The following CDK14 variants were observed in gnomAD, a reference collection of about 807,000 sequenced individuals.
CDK14 encodes the protein cyclin-dependent kinase 14.
CDK14 carries 34 observed loss-of-function variants against 60.7 expected under a neutral mutation model. The ratio of observed to expected loss-of-function variants is 0.56; its 90% CI spans 0.43 to 0.75. The LOEUF (loss-of-function observed/expected upper bound fraction) is 0.75, where lower values mean the gene tolerates loss of function less well. Among genes scored for constraint, CDK14 ranks in the 30% least tolerant of loss-of-function variants. The pLI is 0.00. For missense variants in CDK14, 482 were observed against 564.1 expected, an observed-to-expected ratio of 0.85 and a Z score of 1.47; for synonymous variants, 197 against 203.7, an observed-to-expected ratio of 0.97 and a Z score of 0.28.
At chr7:91,063,161 G>T (rs1003425032) in intron 11 of CDK14, among the ~76,000 whole-genome samples, 1 of 152,120 alleles carries the variant, frequency 6.6e-6, no homozygotes, top group African/African-American at 2.4e-5. Flanking sequence ...AGGCTTGTCA[G>T]CTACTCCTAG....
At chr7:90,919,997 C>T (rs1437605789) in intron 8 of CDK14, among the ~76,000 whole-genome samples, 3 of 152,254 alleles carry the variant, frequency 2.0e-5, no homozygotes, top group Non-Finnish European at 2.9e-5. Flanking sequence ...AGTTGGCATG[C>T]ATCCTGTGCA....
intron 2 of CDK14, among the ~76,000 whole-genome samples, chr7:90,684,482 T>C (rs1056327792): frequency 1.3e-5 from 2 of 152,228 alleles, no homozygotes; most frequent in Admixed American, 1.3e-4. Flanking sequence ...TTCTTCCCCA[T>C]CCTTGTTGAT....
intron 2 of CDK14, chr7:90,632,331 C>A (rs1226374158): frequency 3.1e-6 from 1 of 325,214 alleles, no homozygotes. Context: ...AATCAAGGAT[C>A]TTTTGGTTGG....
intron 2 of CDK14, among the ~76,000 whole-genome samples, chr7:90,643,309 T>A (rs1563027641): frequency 2.0e-5 from 3 of 152,210 alleles, no homozygotes; most frequent in Admixed American, 1.3e-4. Context: ...CATTTGGTTG[T>A]TTTCTTTGTT....
chr7:91,054,255 T>C (rs1797488786), intron 11 of CDK14, among the ~76,000 whole-genome samples: 2 of 152,150 alleles, frequency 1.3e-5, no homozygotes. Context: ...GCTGTAACTA[T>C]GTGATGGTTA....
At chr7:90,950,245 T>C (rs1201799001) in intron 8 of CDK14, among the ~76,000 whole-genome samples, 2 of 152,060 alleles carry the variant, frequency 1.3e-5, no homozygotes, top group African/African-American at 4.8e-5. Context: ...CCCAGCTGAT[T>C]TTTTATTTTC....
At chr7:90,987,874 G>A (rs1282243765) in intron 10 of CDK14, among the ~76,000 whole-genome samples, 1 of 152,140 alleles carries the variant, frequency 6.6e-6, no homozygotes, top group East Asian at 1.9e-4. Context: ...CTCTGGTAAA[G>A]CATTGCCAAG....
intron 5 of CDK14, among the ~76,000 whole-genome samples, chr7:90,845,294 G>C (rs1158710455): frequency 1.3e-5 from 2 of 151,964 alleles, no homozygotes; most frequent in Non-Finnish European, 2.9e-5. Context: ...ATTTTTGAAG[G>C]CATTTAATGA....
intron 4 of CDK14, among the ~76,000 whole-genome samples, chr7:90,758,333 T>C (rs1031350205): frequency 6.6e-6 from 1 of 152,204 alleles, no homozygotes; most frequent in East Asian, 1.9e-4. Context: ...TCATTACTTC[T>C]GACTGCTGAC....
intron 8 of CDK14, among the ~76,000 whole-genome samples, chr7:90,920,478 G>A (rs1476061694): frequency 6.6e-6 from 1 of 152,188 alleles, no homozygotes; most frequent in Non-Finnish European, 1.5e-5. Flanking sequence ...AGCTAGGAAT[G>A]TATACTAACC....
At chr7:90,804,543 TA>T (rs1247770198) in intron 5 of CDK14, among the ~76,000 whole-genome samples, 1 of 152,212 alleles carries the variant, frequency 6.6e-6, no homozygotes, top group East Asian at 1.9e-4. Flanking sequence ...ACTGTAATTC[TA>T]AGTATGCTTA....
intron 4 of CDK14, among the ~76,000 whole-genome samples, chr7:90,779,806 A>G (rs1237214455): frequency 2.6e-5 from 4 of 152,220 alleles, no homozygotes; most frequent in Admixed American, 2.0e-4. Flanking sequence ...ACAATACTAT[A>G]TGATAACATG....
intron 2 of CDK14, among the ~76,000 whole-genome samples, chr7:90,684,509 A>G (rs749338490): frequency 6.6e-6 from 1 of 152,146 alleles, no homozygotes; most frequent in African/African-American, 2.4e-5. Flanking sequence ...TTATTTTTTG[A>G]ATGTCAGTAA....
chr7:90,969,482 C>T (rs1354428157), intron 9 of CDK14, among the ~76,000 whole-genome samples: 1 of 152,136 alleles, frequency 6.6e-6, no homozygotes, highest in Non-Finnish European at 1.5e-5. Flanking sequence ...GATAATTACC[C>T]ATGAATAAAT....
intron 5 of CDK14, among the ~76,000 whole-genome samples, chr7:90,790,919 G>C (rs1433666666): frequency 6.6e-6 from 1 of 152,140 alleles, no homozygotes; most frequent in Non-Finnish European, 1.5e-5. Context: ...GAGGAATTTT[G>C]TATGTCTGCT....
intron 14 of CDK14, among the ~76,000 whole-genome samples, chr7:91,120,017 C>A (rs1323613519): frequency 6.6e-6 from 1 of 152,140 alleles, no homozygotes; most frequent in East Asian, 1.9e-4. Flanking sequence ...ACAGCATATG[C>A]TTTTTTAAAG....
At chr7:90,740,541 C>T (rs941008015) in intron 3 of CDK14, among the ~76,000 whole-genome samples, 1 of 152,234 alleles carries the variant, frequency 6.6e-6, no homozygotes, top group Non-Finnish European at 1.5e-5. Flanking sequence ...TGTGAGGACA[C>T]AAGAGAAGGT....
chr7:91,055,300 C>A (rs1797516212), intron 11 of CDK14, among the ~76,000 whole-genome samples: 1 of 152,070 alleles, frequency 6.6e-6, no homozygotes, highest in African/African-American at 2.4e-5. Flanking sequence ...AATTCATTTC[C>A]CCTACAATAG....
intron 9 of CDK14, among the ~76,000 whole-genome samples, chr7:90,960,462 A>G (rs1362799206): frequency 2.6e-5 from 4 of 152,220 alleles, no homozygotes; most frequent in Non-Finnish European, 5.9e-5. Flanking sequence ...TTGCATATTA[A>G]ATCATCCGTT....
Sources: gnomAD v4.1 joint callset for allele counts (sites outside exome capture counted in the v4.1 genomes callset) on GRCh38, gnomAD v4.1.1 for gene constraint, MANE v1.5 for transcripts, NCBI Gene and HGNC (gene_info 2026-07-23, HGNC 2026-07-21) for gene names.